The following PAG1 variants were observed in gnomAD, a reference collection of about 807,000 sequenced individuals.
PAG1 encodes the protein phosphoprotein associated with glycosphingolipid-enriched microdomains 1.
A neutral mutation model predicts 31.7 loss-of-function variants in PAG1; 23 were observed. The ratio of observed to expected loss-of-function variants is 0.73; its 90% CI spans 0.52 to 1.03. The LOEUF (loss-of-function observed/expected upper bound fraction) is 1.03, where lower values mean the gene tolerates loss of function less well. PAG1 is among the 50% of genes least tolerant of loss of function. PAG1 has a pLI of 0.00. For synonymous variants in PAG1, 214 were observed against 210.3 expected, an observed-to-expected ratio of 1.02 and a Z score of -0.15; for missense variants, 473 against 540.7, an observed-to-expected ratio of 0.87 and a Z score of 1.24.
chr8:81,012,845 A>G (rs1057397349), intron 3 of PAG1, among the ~76,000 whole-genome samples: 16 of 152,240 alleles, frequency 1.1e-4, no homozygotes, highest in African/African-American at 3.6e-4. Context: ...GGCACTAGCT[A>G]GAAAGTCTAA....
chr8:81,056,839 C>T (rs1256029680), intron 2 of PAG1, among the ~76,000 whole-genome samples: 3 of 152,138 alleles, frequency 2.0e-5, no homozygotes, highest in African/African-American at 7.2e-5. Flanking sequence ...GGGCTAACAT[C>T]CAGAATCTAC....
intron 3 of PAG1, among the ~76,000 whole-genome samples, chr8:81,028,891 G>A (rs146516210): frequency 6.4e-4 from 97 of 152,278 alleles, no homozygotes; most frequent in African/African-American, 2.2e-3. Flanking sequence ...CTTCAGAAGA[G>A]AATAACCAGG....
chr8:81,108,997 T>C (rs991608133), intron 1 of PAG1, among the ~76,000 whole-genome samples: 2 of 152,172 alleles, frequency 1.3e-5, no homozygotes, highest in African/African-American at 4.8e-5. Flanking sequence ...CTTGACTGTG[T>C]AGATTGCTGC....
intron 1 of PAG1, among the ~76,000 whole-genome samples, chr8:81,105,097 C>T (rs1295008395): frequency 2.0e-5 from 3 of 152,060 alleles, no homozygotes; most frequent in Admixed American, 2.0e-4. Context: ...CTCCTGGTAC[C>T]CTCCTACTGG....
intron 3 of PAG1, among the ~76,000 whole-genome samples, chr8:81,017,650 A>C (rs1808094415): frequency 6.6e-6 from 1 of 152,126 alleles, no homozygotes; most frequent in South Asian, 2.1e-4. Context: ...CTTCACAGCT[A>C]CTCAAGCTAC....
chr8:81,090,703 C>A (rs1375170914), intron 1 of PAG1, among the ~76,000 whole-genome samples: 2 of 152,130 alleles, frequency 1.3e-5, no homozygotes, highest in Admixed American at 1.3e-4. Flanking sequence ...AGTCAGCTGA[C>A]GAACTCTAGG....
At chr8:80,994,938 C>T (rs1352828511) in intron 3 of PAG1, among the ~76,000 whole-genome samples, 1 of 152,196 alleles carries the variant, frequency 6.6e-6, no homozygotes, top group East Asian at 1.9e-4. Flanking sequence ...AAAGTATTTA[C>T]ATTTTCGTTT....
chr8:81,094,692 G>C (rs1809498849), intron 1 of PAG1, among the ~76,000 whole-genome samples: 1 of 152,142 alleles, frequency 6.6e-6, no homozygotes, highest in African/African-American at 2.4e-5. Flanking sequence ...CTTCAGAAAA[G>C]AGAAAAGCTA....
At chr8:81,103,424 T>C (rs998337475) in intron 1 of PAG1, among the ~76,000 whole-genome samples, 1 of 152,222 alleles carries the variant, frequency 6.6e-6, no homozygotes, top group Non-Finnish European at 1.5e-5. Context: ...TTACTAGCTG[T>C]GTTATCTCCA....
At chr8:81,045,531 A>G (rs1349911827) in intron 2 of PAG1, among the ~76,000 whole-genome samples, 4 of 152,292 alleles carry the variant, frequency 2.6e-5, no homozygotes, top group Non-Finnish European at 4.4e-5. Context: ...GGAGGGTGAG[A>G]TGGGGAAATT....
chr8:81,087,770 C>T (rs1302191473), intron 1 of PAG1, among the ~76,000 whole-genome samples: 3 of 152,140 alleles, frequency 2.0e-5, no homozygotes, highest in African/African-American at 7.2e-5. Context: ...GAGAACAAAC[C>T]CTCGGCTGCA....
intron 3 of PAG1, among the ~76,000 whole-genome samples, chr8:81,018,894 G>T (rs1448996410): frequency 6.6e-6 from 1 of 152,228 alleles, no homozygotes; most frequent in Non-Finnish European, 1.5e-5. Context: ...ACAGGCAGAG[G>T]TCGGAATAGT....
intron 2 of PAG1, among the ~76,000 whole-genome samples, chr8:81,058,174 A>C (rs1808858978): frequency 6.6e-6 from 1 of 152,152 alleles, no homozygotes; most frequent in South Asian, 2.1e-4. Context: ...GTTCCTGCTA[A>C]GATTAAATGA....
intron 3 of PAG1, among the ~76,000 whole-genome samples, chr8:81,014,278 A>G (rs553876587): frequency 7.2e-5 from 11 of 152,402 alleles, no homozygotes; most frequent in African/African-American, 2.6e-4. Flanking sequence ...TCAGGCATGC[A>G]AAGATAGACA....
intron 8 of PAG1, among the ~76,000 whole-genome samples, chr8:80,980,215 T>C (rs1159593326): frequency 6.6e-6 from 1 of 152,224 alleles, no homozygotes; most frequent in Non-Finnish European, 1.5e-5. Flanking sequence ...TCAGTTTCTT[T>C]TCCTGAGCTG....
intron 3 of PAG1, among the ~76,000 whole-genome samples, chr8:81,018,056 A>C (rs1188755918): frequency 6.6e-6 from 1 of 152,224 alleles, no homozygotes; most frequent in Non-Finnish European, 1.5e-5. Context: ...TGACTGGCTC[A>C]ATAGAAATTA....
At chr8:81,093,420 T>C (rs577454725) in intron 1 of PAG1, among the ~76,000 whole-genome samples, 4 of 152,244 alleles carry the variant, frequency 2.6e-5, no homozygotes, top group African/African-American at 9.6e-5. Flanking sequence ...GTCTATGTAA[T>C]CAACACATAA....
At chr8:81,017,898 A>C (rs1271445482) in intron 3 of PAG1, among the ~76,000 whole-genome samples, 1 of 152,194 alleles carries the variant, frequency 6.6e-6, no homozygotes, top group Non-Finnish European at 1.5e-5. Flanking sequence ...CCACTACTCA[A>C]CCTTTTCCTA....
intron 4 of PAG1, 65 bp from the exon 5 acceptor site, chr8:80,991,595 C>T: frequency 9.8e-7 from 1 of 1,018,500 alleles, no homozygotes; most frequent in Non-Finnish European, 1.6e-6. Flanking sequence ...GCACACTACC[C>T]TTTCCTATCC....
Sources: allele counts gnomAD v4.1 joint callset (sites outside exome capture counted in the v4.1 genomes callset), GRCh38; gene constraint gnomAD v4.1.1; transcripts MANE v1.5; gene names NCBI Gene and HGNC (gene_info 2026-07-23, HGNC 2026-07-21).